MARK1: variants seen among roughly 807,000 people sequenced by gnomAD.
MARK1 encodes the protein serine/threonine-protein kinase MARK1.
In MARK1, 40 loss-of-function variants were observed where a neutral mutation model predicts 96.3. The ratio of observed to expected loss-of-function variants is 0.42; its 90% CI spans 0.32 to 0.54. MARK1 has a LOEUF of 0.54. Among genes scored for constraint, MARK1 ranks in the 20% least tolerant of loss-of-function variants. MARK1 has a pLI of 0.16. For missense variants in MARK1, 719 were observed against 984.6 expected (o/e 0.73, Z 3.61); for synonymous variants, 317 against 341.2 (o/e 0.93, Z 0.78).
intron 1 of MARK1, among the ~76,000 whole-genome samples, chr1:220,550,514 C>T (rs1480247208): frequency 6.6e-6 from 1 of 152,032 alleles, no homozygotes; most frequent in Non-Finnish European, 1.5e-5. Context: ...CACCACACCC[C>T]GCTAATTTTT....
At position 220,662,214 on chromosome 1, in the gene MARK1, TAC is replaced by T; in HGVS notation, c.*50_*51del. ...AGGGAAGATACATACATATATGAGG[TAC>T]AGTTTTTGAATGTACTGGTAATGCC... On this transcript the variant is annotated 3_prime_UTR_variant, in exon 18 of 18. Transcript: ENST00000366917. 1 of 1,429,210 alleles carries T rather than the reference TAC, an allele frequency of 7.0e-7. No homozygotes were observed. 88.5% of individuals were successfully genotyped at this position (1,429,210 alleles called of 1,614,324 possible). A position where few individuals can be genotyped will look rare whatever the true frequency, so the allele number is the denominator to read the frequency against.
In MARK1 at chr1:220,653,067, A is replaced by G. The variant is rs1049923203; in HGVS notation, c.1737-34A>G. ...TTGAGTGAAAGGTTTTCTTGTCATT[A>G]TTCTGAATGATATATCTTAATTTGT... On this transcript the variant is annotated intron_variant, in intron 15 of 17. Coordinates refer to ENST00000366917, the MANE Select transcript of MARK1 (RefSeq NM_018650.5). The G allele has an allele frequency of 2.5e-6, 4 of 1,606,890 alleles. No homozygotes were observed. The African/African-American group carries it at 4.0e-5, about 16-fold the overall frequency.
rs3849285 is a variant in MARK1, at chr1:220,626,264, T to A, written c.910-4771T>A. ...AGGGTGCTGTATATTGACATTGATA[T>A]TCACCACGGCGATGGGATGGAAGAG... On this transcript the variant is annotated intron_variant, in intron 9 of 17. Transcript: ENST00000366917. The A allele has an allele frequency of 3.1e-3, 1,638 of 529,264 alleles. 19 individuals carry two copies. The highest frequency in any genetic ancestry group is 0.025 in the African/African-American group (1,289 of 52,420). 32.8% of individuals were successfully genotyped at this position (529,264 alleles called of 1,614,324 possible). A position where few individuals can be genotyped will look rare whatever the true frequency, so the allele number is the denominator to read the frequency against.
intron 17 of MARK1, among the ~76,000 whole-genome samples, chr1:220,660,393 A>G (rs1276939366): frequency 6.6e-6 from 1 of 152,098 alleles, no homozygotes; most frequent in East Asian, 1.9e-4. Context: ...AGCTTTGGGG[A>G]CTCAGATACC....
intron 5 of MARK1, among the ~76,000 whole-genome samples, chr1:220,603,124 G>A (rs1665850779): frequency 6.6e-6 from 1 of 151,918 alleles, no homozygotes; most frequent in South Asian, 2.1e-4. Context: ...TACTTTACAA[G>A]AACACTTTAA....
Position 220,604,127 on chromosome 1 carries a change from A to T in MARK1, c.485A>T (p.Lys162Ile). Reference sequence around the variant, plus strand: ...ATGAAAGAGAAAGAGGCCCGTGCAAAATTTAGGCAGGTATGGAAAGTAGTT... The same window carrying T: ...ATGAAAGAGAAAGAGGCCCGTGCAATATTTAGGCAGGTATGGAAAGTAGTT... ...GRMKEKEARAKFRQIVSAVQY... is the reference protein window; with the variant it reads ...GRMKEKEARAIFRQIVSAVQY... The change falls in exon 6 of 18, where the codon AAA (lysine) becomes ATA (isoleucine). Residue 162 changes from lysine (K) to isoleucine (I), a missense_variant. By Grantham distance (102) the Lys-to-Ile change is moderately radical. Coordinates refer to ENST00000366917, the MANE Select transcript of MARK1 (RefSeq NM_018650.5). 6.2e-7 allele frequency: 1 copy of T among 1,609,784 alleles called. No homozygotes were observed. Among genetic ancestry groups the T allele is most frequent in the Non-Finnish European group, 8.5e-7 (1 of 1,177,156 alleles).
chr1:220,628,216 T>C (rs1667458213), intron 9 of MARK1, among the ~76,000 whole-genome samples: 1 of 152,130 alleles, frequency 6.6e-6, no homozygotes, highest in African/African-American at 2.4e-5. Flanking sequence ...CTGAACCTTA[T>C]CTCTATCGAC....
intron 13 of MARK1, among the ~76,000 whole-genome samples, chr1:220,648,994 A>G (rs1668725634): frequency 6.6e-6 from 1 of 152,234 alleles, no homozygotes; most frequent in African/African-American, 2.4e-5. Flanking sequence ...TTAAAATAAA[A>G]TATGGTATGT....
chr1:220,537,836 A>G (rs1660826425), intron 1 of MARK1, among the ~76,000 whole-genome samples: 1 of 152,034 alleles, frequency 6.6e-6, no homozygotes, highest in African/African-American at 2.4e-5. Context: ...TCTGATGGTC[A>G]GTGATGATGA....
At chr1:220,541,525 T>C (rs1020798556) in intron 1 of MARK1, among the ~76,000 whole-genome samples, 1 of 152,194 alleles carries the variant, frequency 6.6e-6, no homozygotes, top group African/African-American at 2.4e-5. Context: ...ATTGAAATCT[T>C]TTATTGTTGT....
chr1:220,540,333 T>G (rs1040535143), intron 1 of MARK1, among the ~76,000 whole-genome samples: 1 of 152,200 alleles, frequency 6.6e-6, no homozygotes, highest in East Asian at 1.9e-4. Flanking sequence ...ATATCCCAGC[T>G]GAAGAAGAGA....
chr1:220,596,332 G>T (rs1390598850), intron 3 of MARK1, among the ~76,000 whole-genome samples: 1 of 152,190 alleles, frequency 6.6e-6, no homozygotes, highest in Non-Finnish European at 1.5e-5. Context: ...ATGATCTCAA[G>T]TGTACTGAAG....
chr1:220,649,352 G>A (rs145456474), intron 13 of MARK1, among the ~76,000 whole-genome samples: 96 of 151,826 alleles, frequency 6.3e-4, no homozygotes, highest in Middle Eastern at 3.4e-3. Context: ...TAAGCCTCTC[G>A]AGTAGCTGGG....
chr1:220,533,240 G>C (rs2102688101), intron 1 of MARK1, among the ~76,000 whole-genome samples: 1 of 152,246 alleles, frequency 6.6e-6, no homozygotes, highest in South Asian at 2.1e-4. Context: ...GTTTGTTGTA[G>C]CTGAACAGTG....
chr1:220,585,278 T>C (rs1664520067), intron 3 of MARK1, among the ~76,000 whole-genome samples: 1 of 152,102 alleles, frequency 6.6e-6, no homozygotes, highest in Non-Finnish European at 1.5e-5. Flanking sequence ...GAAAACAGAG[T>C]ATAACATAAA....
chr1:220,626,550 G>T, intron 9 of MARK1: 2 of 474,614 alleles, frequency 4.2e-6, no homozygotes, highest in South Asian at 3.2e-5. Context: ...CTGGCCTGTC[G>T]TGGTGGCTCA....
chr1:220,560,165 G>A (rs1299982537), intron 1 of MARK1, among the ~76,000 whole-genome samples: 2 of 151,972 alleles, frequency 1.3e-5, no homozygotes, highest in African/African-American at 2.4e-5. Flanking sequence ...GAACAGTATG[G>A]GGGAAACTGC....
At chr1:220,617,884 C>G (rs1666843852) in intron 7 of MARK1, among the ~76,000 whole-genome samples, 2 of 152,248 alleles carry the variant, frequency 1.3e-5, no homozygotes, top group South Asian at 4.1e-4. Context: ...CTTGCTTTAA[C>G]CAACAATACC....
intron 9 of MARK1, among the ~76,000 whole-genome samples, chr1:220,624,805 C>G (rs2102988065): frequency 6.6e-6 from 1 of 152,278 alleles, no homozygotes; most frequent in South Asian, 2.1e-4. Flanking sequence ...TCTCAGCTGT[C>G]AAATCTGCTA....
Sources: gnomAD v4.1 joint callset for allele counts (sites outside exome capture counted in the v4.1 genomes callset) on GRCh38, gnomAD v4.1.1 for gene constraint, MANE v1.5 for transcripts, NCBI Gene and HGNC (gene_info 2026-07-23, HGNC 2026-07-21) for gene names.